The following ACAP3 variants were observed in gnomAD, a reference collection of about 807,000 sequenced individuals.
ACAP3 encodes the protein arf-GAP with coiled-coil, ANK repeat and PH domain-containing protein 3.
A neutral mutation model predicts 104.1 loss-of-function variants in ACAP3; 56 were observed. The observed-to-expected ratio is 0.54, with a 90% confidence interval of 0.43 to 0.67. The LOEUF is 0.67. Ranked by LOEUF, ACAP3 falls within the 30% of genes least tolerant of loss-of-function variation. The pLI is 0.00. For missense variants in ACAP3, 1,208 were observed against 1,174.9 expected (o/e 1.03, Z -0.41); for synonymous variants, 628 against 496.2 (o/e 1.27, Z -3.53).
chr1:1,302,890 C>G (rs557062020), intron 4 of ACAP3, 32 bp downstream of exon 4: 2 of 1,606,244 alleles, frequency 1.2e-6, no homozygotes, highest in African/African-American at 1.3e-5. Context: ...AGGCCAGGCA[C>G]AGCCCACAGG....
At position 1,300,080 on chromosome 1, in the gene ACAP3, G is replaced by C. The variant is rs370056299; in HGVS notation, c.568-12C>G. On this transcript the variant is annotated splice_polypyrimidine_tract_variant and intron_variant, in intron 7 of 23. Transcript: ENST00000354700. ...ATGAAGGACAGCATCTGCGGGGGCA[G>C]CACAGGTGAGGCCCAAGCACACCCG... The C allele has an allele frequency of 3.5e-5, 57 of 1,611,586 alleles. No homozygotes were observed. The highest frequency in any genetic ancestry group is 4.8e-5 in the Non-Finnish European group (57 of 1,179,340).
In ACAP3 at chr1:1,298,127, C is replaced by T. The variant is rs143631128; in HGVS notation, c.916-14G>A. The stretch of plus-strand genomic sequence containing the variant: ...GGTGAGGGCATCCTGTGGGCGGCAC[C>T]GCTGTGGCCCCTGCCCTCAGCCACC... On this transcript the variant is annotated splice_polypyrimidine_tract_variant and intron_variant, in intron 12 of 23. Transcript: ENST00000354700. The T allele has an allele frequency of 4.3e-3, 6,848 of 1,596,150 alleles. 22 individuals are homozygous for T. Among genetic ancestry groups the T allele is most frequent in the Non-Finnish European group, 5.5e-3 (6,389 of 1,172,278 alleles).
At chr1:1,295,668 C>T (rs1156931855) in intron 18 of ACAP3, 68 bp downstream of exon 18, 2 of 1,551,278 alleles carry the variant, frequency 1.3e-6, no homozygotes, top group Non-Finnish European at 8.7e-7. Flanking sequence ...CTGCCACCAG[C>T]CCCTTGACGG....
At chr1:1,293,986 G>T (rs1385606058) in intron 22 of ACAP3, 53 bp from the exon 23 acceptor site, 1 of 1,467,500 alleles carries the variant, frequency 6.8e-7, no homozygotes, top group Non-Finnish European at 9.0e-7. Context: ...CGGGGCGAGT[G>T]TGGTCGCGGG....
chr1:1,296,409 G>T lies in ACAP3; in HGVS notation c.1337+16C>A. On this transcript the variant is annotated intron_variant, in intron 15 of 23. Coordinates refer to ENST00000354700, the MANE Select transcript of ACAP3 (RefSeq NM_030649.3). ...CAGCCCAACCCCCACCCCCAGCCTG[G>T]CCCTCAGGGGCCCACCTGTGGATGC... 6.5e-7 allele frequency: 1 copy of T among 1,544,654 alleles called. No individual in the cohort carries two copies. Among genetic ancestry groups the T allele is most frequent in the Non-Finnish European group, 8.7e-7 (1 of 1,145,354 alleles).
chr1:1,300,344 A>T, intron 6 of ACAP3, 142 bp from the exon 7 acceptor site: 1 of 1,267,806 alleles, frequency 7.9e-7, no homozygotes. Context: ...GGCCAGCCTC[A>T]TCCTCCCATG....
At chr1:1,298,978 C>T in intron 10 of ACAP3, 1 of 556,640 alleles carries the variant, frequency 1.8e-6, no homozygotes, top group Non-Finnish European at 3.2e-6. Flanking sequence ...AAGCTGCGCC[C>T]CCACCCTCCG....
intron 9 of ACAP3, 61 bp downstream of exon 9, chr1:1,299,770 G>T (rs760084099): frequency 1.3e-6 from 2 of 1,493,912 alleles, no homozygotes; most frequent in East Asian, 2.5e-5. Context: ...CCGGGCATGG[G>T]GTGAGGACGC....
Position 1,307,863 on chromosome 1 carries a change from GCGGCA to G in ACAP3, c.-53_-49del. Reference sequence around the variant, plus strand: ...ACTGGCACGAGGACCGCGGCGCCGAGCGGCAGCCGCGCCGGCCCGGACCGCTCGTC... The same window carrying G: ...ACTGGCACGAGGACCGCGGCGCCGAGGCCGCGCCGGCCCGGACCGCTCGTC... On this transcript the variant is annotated 5_prime_UTR_variant, in exon 1 of 24. Coordinates refer to ENST00000354700, the MANE Select transcript of ACAP3 (RefSeq NM_030649.3). The G allele has an allele frequency of 1.0e-6, 1 of 987,896 alleles. No homozygotes were observed. Among genetic ancestry groups the G allele is most frequent in the Non-Finnish European group, 1.2e-6 (1 of 827,958 alleles). The allele number at this position is 987,896 out of a possible 1,614,324, so 61.2% of individuals were successfully genotyped here.
rs202162654 is a variant in ACAP3, at chr1:1,294,480, C to T, written c.2061G>A (p.Ala687=). 1.8e-5 allele frequency: 28 copies of T among 1,548,864 alleles called. No homozygotes were observed. The Admixed American group carries it at 3.2e-4, about 18-fold the overall frequency. ...AGTTGACCTCGGCCCCGTGGGCCAG[C>T]GCCGCCGCCAGCGCAGGAAGGTCGC... The part of the protein sequence containing the change: ...RARDLPALAA[A]LAHGAEVNWA... The change falls in exon 21 of 24, where the codon GCG becomes GCA. Residue 687 remains alanine, a synonymous_variant. Coordinates refer to ENST00000354700, the MANE Select transcript of ACAP3 (RefSeq NM_030649.3).
chr1:1,293,999 C>A (rs773991714), intron 22 of ACAP3, 66 bp from the exon 23 acceptor site: 19 of 1,465,460 alleles, frequency 1.3e-5, no homozygotes, highest in Non-Finnish European at 1.6e-5. Flanking sequence ...GTCGCGGGGG[C>A]GTGGCCGGAT....
rs1297203664 is a variant in ACAP3 at position 1,299,910 on chromosome 1, TG to T, written c.664-6del. On this transcript the variant is annotated splice_region_variant and splice_polypyrimidine_tract_variant and intron_variant, in intron 8 of 23. Transcript: ENST00000354700. ...GTCGATCACCAGCTGGTCCAGCTGT[TG>T]GGGGTGGCATTAGGGAAGGTCACGG... 1.3e-6 allele frequency: 2 copies of T among 1,587,262 alleles called. No individual in the cohort carries two copies. Among genetic ancestry groups the T allele is most frequent in the Non-Finnish European group, 1.7e-6 (2 of 1,161,626 alleles).
At position 1,300,027 on chromosome 1, in the gene ACAP3, C is replaced by T. The variant is rs1641375485; in HGVS notation, c.609G>A (p.Gln203=). Residue 203 remains glutamine (Q), a synonymous_variant, in exon 8 of 24, where the codon CAG becomes CAA. Transcript: ENST00000354700. ...CCAGCTGGTGCAGGAGGCTGTAGCC[C>T]TGCTGGAAGAAGCTGGACTGGGCGT... The part of the protein sequence containing the change: ...FMHAQSSFFQ[Q]GYSLLHQLDP... 24 of 1,612,486 alleles carry T rather than the reference C, an allele frequency of 1.5e-5. No homozygotes were observed. Among genetic ancestry groups the T allele is most frequent in the Non-Finnish European group, 2.0e-5 (24 of 1,179,886 alleles).
intron 20 of ACAP3, 30 bp downstream of exon 20, chr1:1,294,688 G>A (rs1283150159): frequency 3.9e-6 from 6 of 1,547,378 alleles, no homozygotes; most frequent in South Asian, 1.2e-5. Flanking sequence ...GCTGGGCAGG[G>A]GCCTCGGGCG....
chr1:1,303,367 C>A lies in ACAP3; in HGVS notation c.106-86G>T. On this transcript the variant is annotated intron_variant, in intron 2 of 23. Transcript: ENST00000354700. This position sits in a 1 kb window ranked among gnomAD's most constrained non-coding sequence, Gnocchi z 4.0. The stretch of plus-strand genomic sequence containing the variant: ...CACGGCCACTCAGAGGCAGGAAGAG[C>A]TCCCAGGGTAGGTTCCACTCAGGGC... The A allele has an allele frequency of 6.6e-7, 1 of 1,513,304 alleles. No homozygotes were observed. Among genetic ancestry groups the A allele is most frequent in the South Asian group, 1.2e-5 (1 of 81,038 alleles). 93.7% of individuals were successfully genotyped at this position (1,513,304 alleles called of 1,614,324 possible).
chr1:1,299,883 G>A lies in ACAP3; in HGVS notation c.686C>T (p.Ser229Phe), dbSNP rs1024703962. The change falls in exon 9 of 24, where the codon TCT (serine) becomes TTT (phenylalanine). Residue 229 changes from serine to phenylalanine, a missense_variant. By Grantham distance (155) the Ser-to-Phe change is radical (BLOSUM62 -2). Coordinates refer to ENST00000354700, the MANE Select transcript of ACAP3 (RefSeq NM_030649.3). ...CTCCATCTCACGCTTTTCCACCGCAGAGTCGATCACCAGCTGGTCCAGCTG... is the reference window on the plus strand; with the variant it reads ...CTCCATCTCACGCTTTTCCACCGCAAAGTCGATCACCAGCTGGTCCAGCTG... The part of the protein sequence containing the change: ...AAELDQLVID[S>F]AVEKREMERK... 6.3e-7 allele frequency: 1 copy of A among 1,580,206 alleles called. No individual in the cohort carries two copies. Among genetic ancestry groups the A allele is most frequent in the South Asian group, 1.1e-5 (1 of 87,514 alleles).
In ACAP3 at chr1:1,296,222, C is replaced by T; in HGVS notation, c.1396G>A (p.Glu466Lys). The change falls in exon 16 of 24, where the codon GAG (glutamate) becomes AAG (lysine). Residue 466 changes from glutamate to lysine, a missense_variant. Transcript: ENST00000354700. ...AGCCCCACACGCACCTTTAGCAGCT[C>T]AGGCTCCCACGAGTCCAGCGTCAGG... ...RSLTLDSWEP[E>K]LLKLMCELGN... 1 of 1,570,620 alleles carries T rather than the reference C, an allele frequency of 6.4e-7. No homozygotes were observed. The highest frequency in any genetic ancestry group is 8.6e-7 in the Non-Finnish European group (1 of 1,157,428).
At position 1,300,207 on chromosome 1, in the gene ACAP3, C is replaced by T; in HGVS notation, c.523-5G>A. On this transcript the variant is annotated splice_polypyrimidine_tract_variant and splice_region_variant and intron_variant, in intron 6 of 23. Transcript: ENST00000354700. ...CTTGGCCTGCAGAACATTGATCTGC[C>T]AGAGGGGGAGCCCACAGGTGAGCCC... 6.2e-7 allele frequency: 1 copy of T among 1,604,818 alleles called. No individual in the cohort carries two copies. Among genetic ancestry groups the T allele is most frequent in the Non-Finnish European group, 8.5e-7 (1 of 1,175,228 alleles).
At chr1:1,302,075 G>A (rs745759886) in intron 4 of ACAP3, 29 bp from the exon 5 acceptor site, 3 of 1,487,386 alleles carry the variant, frequency 2.0e-6, no homozygotes, top group African/African-American at 2.9e-5. Flanking sequence ...AGAGATCCTT[G>A]GGGTCTGTCC....
Sources: allele counts gnomAD v4.1 joint callset, GRCh38; gene constraint gnomAD v4.1.1; non-coding constraint Gnocchi (gnomAD v3.1); transcripts MANE v1.5; gene names NCBI Gene and HGNC (gene_info 2026-07-23, HGNC 2026-07-21).